RAPGEF4: variants seen among roughly 807,000 people sequenced by gnomAD.
The protein encoded by RAPGEF4 is Rap guanine nucleotide exchange factor 4.
A neutral mutation model predicts 147.9 loss-of-function variants in RAPGEF4; 66 were observed. The observed-to-expected ratio is 0.45, with a 90% confidence interval of 0.37 to 0.55. The LOEUF is 0.55. Ranked by LOEUF, RAPGEF4 falls within the 20% of genes least tolerant of loss-of-function variation. RAPGEF4 has a pLI of 0.00. For synonymous variants in RAPGEF4, 419 were observed against 442.7 expected (o/e 0.95, Z 0.67); for missense variants, 1,071 against 1,257.3 (o/e 0.85, Z 2.24).
intron 4 of RAPGEF4, among the ~76,000 whole-genome samples, chr2:172,910,427 G>A (rs1429515199): frequency 6.6e-6 from 1 of 152,170 alleles, no homozygotes; most frequent in East Asian, 1.9e-4. Flanking sequence ...TCTTCCAATT[G>A]CATATATTTA....
intron 8 of RAPGEF4, among the ~76,000 whole-genome samples, chr2:172,962,451 A>C (rs1280026171): frequency 6.6e-6 from 1 of 152,214 alleles, no homozygotes; most frequent in Non-Finnish European, 1.5e-5. Flanking sequence ...GAGCATAAAT[A>C]AGTGCTCAAT....
At chr2:172,941,712 T>C (rs1687177501) in intron 6 of RAPGEF4, among the ~76,000 whole-genome samples, 1 of 152,168 alleles carries the variant, frequency 6.6e-6, no homozygotes, top group South Asian at 2.1e-4. Flanking sequence ...GCAAGGAGAC[T>C]GCAAGCTGAC....
chr2:173,000,026 A>G (rs3769236), intron 16 of RAPGEF4, among the ~76,000 whole-genome samples: 2 of 151,970 alleles, frequency 1.3e-5, no homozygotes, highest in African/African-American at 4.8e-5. Context: ...AGTATTACCT[A>G]CTCTGTTCTC....
intron 1 of RAPGEF4, among the ~76,000 whole-genome samples, chr2:172,753,425 T>C (rs1695475258): frequency 6.6e-6 from 1 of 150,884 alleles, no homozygotes; most frequent in Non-Finnish European, 1.5e-5. Context: ...TTACCTACAA[T>C]TGATTTTTAT....
chr2:172,817,452 C>T (rs1323439178), intron 4 of RAPGEF4, among the ~76,000 whole-genome samples: 1 of 152,186 alleles, frequency 6.6e-6, no homozygotes, highest in Admixed American at 6.5e-5. Flanking sequence ...TAAAATCCAT[C>T]TTGTGCTGAT....
At chr2:172,875,519 G>C (rs1024394614) in intron 4 of RAPGEF4, among the ~76,000 whole-genome samples, 2 of 152,052 alleles carry the variant, frequency 1.3e-5, no homozygotes, top group African/African-American at 4.8e-5. Flanking sequence ...TTTCCCTATT[G>C]CTTGTTTTTG....
intron 6 of RAPGEF4, among the ~76,000 whole-genome samples, chr2:172,926,013 C>T (rs1261789041): frequency 3.7e-4 from 24 of 65,020 alleles, no homozygotes; most frequent in Non-Finnish European, 5.5e-4. Context: ...AAAGAAAGGA[C>T]GGAGGGAGGG....
intron 30 of RAPGEF4, among the ~76,000 whole-genome samples, chr2:173,049,336 G>T (rs908655811): frequency 3.3e-5 from 5 of 152,172 alleles, no homozygotes; most frequent in Admixed American, 2.6e-4. Context: ...TGTTTCTTCT[G>T]GGCTGGGACT....
intron 17 of RAPGEF4, among the ~76,000 whole-genome samples, chr2:173,004,892 AAT>A (rs1029953164): frequency 6.6e-6 from 1 of 151,946 alleles, no homozygotes; most frequent in Admixed American, 6.6e-5. Context: ...TTTCCAAACT[AAT>A]ATATATATAG....
chr2:172,986,194 A>G (rs542183721), intron 12 of RAPGEF4, among the ~76,000 whole-genome samples: 1 of 152,352 alleles, frequency 6.6e-6, no homozygotes, highest in Admixed American at 6.5e-5. Context: ...TCTCTCTTGC[A>G]GAATCACAGG....
intron 6 of RAPGEF4, among the ~76,000 whole-genome samples, chr2:172,934,291 A>G (rs1217918766): frequency 5.9e-5 from 9 of 151,590 alleles, no homozygotes; most frequent in Admixed American, 5.9e-4. Flanking sequence ...CTGGGATTAC[A>G]GGCACCTACC....
chr2:173,018,462 A>T (rs1042068154), intron 21 of RAPGEF4, among the ~76,000 whole-genome samples, 194 bp from the exon 22 acceptor site: 2 of 152,220 alleles, frequency 1.3e-5, no homozygotes, highest in African/African-American at 4.8e-5. Context: ...CCATATGTGC[A>T]CCTATTCTTA....
At chr2:173,028,441 G>GA (rs1279292897) in intron 25 of RAPGEF4, among the ~76,000 whole-genome samples, 5 of 152,348 alleles carry the variant, frequency 3.3e-5, no homozygotes, top group Admixed American at 1.3e-4. Flanking sequence ...AATGCAACAA[G>GA]AAGAGAGAGG....
chr2:172,754,935 C>T (rs951034492), intron 1 of RAPGEF4, among the ~76,000 whole-genome samples: 2 of 151,992 alleles, frequency 1.3e-5, no homozygotes, highest in Non-Finnish European at 2.9e-5. Context: ...CCCAGCTAAT[C>T]GGGAGGCTGA....
chr2:172,773,614 C>T lies in RAPGEF4; in HGVS notation c.66-21411C>T, dbSNP rs544715844. ...TATCTCCTACTCCAGACTTCCCTCCCCACCCCACACTGCCTCCCTGCCCCA... is the reference window on the plus strand; with the variant it reads ...TATCTCCTACTCCAGACTTCCCTCCTCACCCCACACTGCCTCCCTGCCCCA... On this transcript the variant is annotated intron_variant, in intron 1 of 30. Transcript: ENST00000397081. 2.0e-5 allele frequency among the ~76,000 whole-genome samples: 3 copies of T among 151,900 alleles called. No individual in the cohort carries two copies. The East Asian group carries it at 5.8e-4, about 29-fold the overall frequency.
intron 4 of RAPGEF4, among the ~76,000 whole-genome samples, chr2:172,890,959 G>A (rs898395726): frequency 9.2e-5 from 14 of 152,054 alleles, no homozygotes; most frequent in Non-Finnish European, 1.9e-4. Flanking sequence ...GCGAAACCCC[G>A]TCTCTACTAA....
intron 1 of RAPGEF4, among the ~76,000 whole-genome samples, chr2:172,786,534 C>A (rs1215506104): frequency 1.3e-5 from 2 of 152,130 alleles, no homozygotes; most frequent in African/African-American, 2.4e-5. Context: ...TCATAGATTT[C>A]ATAAATTTCT....
chr2:172,750,180 G>A (rs879347355), intron 1 of RAPGEF4, among the ~76,000 whole-genome samples: 31 of 152,024 alleles, frequency 2.0e-4, no homozygotes, highest in Non-Finnish European at 3.7e-4. Context: ...CACATTTTCA[G>A]CTATCTTTTC....
Position 172,797,574 on chromosome 2 carries a change from G to T in RAPGEF4, c.258G>T (p.Gly86=), listed in dbSNP as rs1292833109. ...CAAACTGGTATGCTGTCCTGGCAGG[G>T]TCTTTGGATGTTAAAGTATCTGAGA... ...IGTNWYAVLA[G]SLDVKVSETS... Residue 86 remains glycine, a synonymous_variant, in exon 3 of 31, where the codon GGG becomes GGT. Coordinates refer to ENST00000397081, the MANE Select transcript of RAPGEF4 (RefSeq NM_007023.4). 2 of 1,613,770 alleles carry T rather than the reference G, an allele frequency of 1.2e-6. No individual in the cohort carries two copies. The highest frequency in any genetic ancestry group is 1.7e-4 in the Middle Eastern group (1 of 6,056).
Sources: gnomAD v4.1 joint callset for allele counts (sites outside exome capture counted in the v4.1 genomes callset) on GRCh38, gnomAD v4.1.1 for gene constraint, MANE v1.5 for transcripts, NCBI Gene and HGNC (gene_info 2026-07-23, HGNC 2026-07-21) for gene names.